The following RORA variants were observed in gnomAD, a reference collection of about 807,000 sequenced individuals.
RORA encodes the protein nuclear receptor ROR-alpha.
A neutral mutation model predicts 69.5 loss-of-function variants in RORA; 7 were observed. That is an observed-to-expected ratio of 0.10 (90% CI 0.06 to 0.19). The LOEUF is 0.19. RORA is among the 10% of genes least tolerant of loss of function. RORA has a pLI of 1.00. For synonymous variants in RORA, 261 were observed against 240.8 expected (o/e 1.08, Z -0.78); for missense variants, 457 against 663.0 (o/e 0.69, Z 3.41).
At chr15:61,077,240 G>C (rs1035317111) in intron 1 of RORA, among the ~76,000 whole-genome samples, 3 of 152,038 alleles carry the variant, frequency 2.0e-5, no homozygotes, top group Admixed American at 6.6e-5. Flanking sequence ...GGCAAGGAAA[G>C]GGTAGTGAGG....
intron 1 of RORA, among the ~76,000 whole-genome samples, chr15:60,843,798 T>C (rs976217123): frequency 1.3e-5 from 2 of 152,146 alleles, no homozygotes; most frequent in African/African-American, 2.4e-5. Flanking sequence ...TCCGTGAATG[T>C]CTCTTTTTGC....
At chr15:60,759,470 T>C (rs553679734) in intron 1 of RORA, among the ~76,000 whole-genome samples, 3 of 152,232 alleles carry the variant, frequency 2.0e-5, no homozygotes, top group Admixed American at 1.3e-4. Context: ...GGGGGCAACT[T>C]TGAGTCAGTA....
At chr15:60,541,861 G>A (rs538097766) in intron 2 of RORA, among the ~76,000 whole-genome samples, 1 of 152,320 alleles carries the variant, frequency 6.6e-6, no homozygotes, top group South Asian at 2.1e-4. Flanking sequence ...CAACAGCCAT[G>A]TAAAGATATC....
intron 1 of RORA, among the ~76,000 whole-genome samples, chr15:61,126,387 T>C (rs2037661981): frequency 6.6e-6 from 1 of 152,252 alleles, no homozygotes; most frequent in African/African-American, 2.4e-5. Context: ...TAAAATCTAC[T>C]GTCTTAGCAA....
intron 1 of RORA, among the ~76,000 whole-genome samples, chr15:60,884,601 G>A (rs2073730883): frequency 6.6e-6 from 1 of 152,192 alleles, no homozygotes; most frequent in South Asian, 2.1e-4. Flanking sequence ...GAGAGACAGG[G>A]AGATGTGGAC....
intron 1 of RORA, among the ~76,000 whole-genome samples, chr15:61,040,078 A>G (rs11630632): frequency 0.1 from 13,723 of 136,382 alleles, 806 homozygotes; most frequent in African/African-American, 0.13. Context: ...CCATATTACA[A>G]GAACATAATT....
chr15:60,550,141 AT>A (rs1490053938), intron 2 of RORA, among the ~76,000 whole-genome samples: 3 of 152,182 alleles, frequency 2.0e-5, no homozygotes, highest in African/African-American at 4.8e-5. Flanking sequence ...AAATACAAAA[AT>A]TAGCCAGGTG....
intron 1 of RORA, among the ~76,000 whole-genome samples, chr15:61,197,396 C>T (rs1201445739): frequency 6.6e-6 from 1 of 152,202 alleles, no homozygotes; most frequent in Non-Finnish European, 1.5e-5. Context: ...AGAGCCGAAC[C>T]GCGGCCTGAG....
intron 2 of RORA, chr15:60,546,240 C>G (rs2067065793): frequency 6.6e-6 from 1 of 152,174 alleles, no homozygotes; most frequent in South Asian, 2.1e-4. Context: ...ATTTCCTAAA[C>G]TAATGATGTA....
At chr15:61,214,906 C>T (rs1190970505) in intron 1 of RORA, among the ~76,000 whole-genome samples, 1 of 148,592 alleles carries the variant, frequency 6.7e-6, no homozygotes, top group Non-Finnish European at 1.5e-5. Flanking sequence ...TGCTGTGTCC[C>T]CAGGCTGGAG....
chr15:60,923,334 G>A (rs917249264), intron 1 of RORA, among the ~76,000 whole-genome samples: 22 of 152,254 alleles, frequency 1.4e-4, no homozygotes, highest in African/African-American at 1.9e-4. Flanking sequence ...CCCCACTCCC[G>A]AACAAAGGGC....
intron 1 of RORA, among the ~76,000 whole-genome samples, chr15:60,929,514 A>G (rs934712425): frequency 1.3e-5 from 2 of 152,212 alleles, no homozygotes; most frequent in Non-Finnish European, 2.9e-5. Context: ...AGATAATGCT[A>G]GGACAGCCAC....
chr15:60,538,523 AT>A (rs1043010155), intron 2 of RORA, among the ~76,000 whole-genome samples: 1 of 149,382 alleles, frequency 6.7e-6, no homozygotes, highest in African/African-American at 2.6e-5. Context: ...GAGAATAAAA[AT>A]TACACAGTAC....
chr15:60,502,601 CTT>C, intron 8 of RORA, among the ~76,000 whole-genome samples, 157 bp downstream of exon 8: 1 of 152,250 alleles, frequency 6.6e-6, no homozygotes, highest in Admixed American at 6.5e-5. Context: ...AGCTATATGA[CTT>C]TTCTACAGTG....
At chr15:60,885,744 T>A (rs1359177055) in intron 1 of RORA, among the ~76,000 whole-genome samples, 2 of 152,246 alleles carry the variant, frequency 1.3e-5, no homozygotes, top group East Asian at 3.8e-4. Flanking sequence ...ATCTTAGCCT[T>A]GCCATTTGCT....
intron 1 of RORA, among the ~76,000 whole-genome samples, chr15:61,196,195 T>C (rs186849214): frequency 1.2e-3 from 183 of 152,344 alleles, no homozygotes; most frequent in Non-Finnish European, 2.2e-3. Flanking sequence ...CTATCCAATA[T>C]TGCAGGCAGT....
chr15:61,229,109 C>T lies in RORA; in HGVS notation c.110G>A (p.Arg37His). Residue 37 changes from arginine (R) to histidine (H), a missense_variant, in exon 1 of 11, where the codon CGC becomes CAC. This residue lies in a region of RORA where 119 missense variants were observed against 92.4 expected (regional missense o/e 1.29). Transcript: ENST00000335670. ...CACCGGGGCAGGCGGCTCGCTCTTG[C>T]GGGCGGATTCCTGGTTCAGCGGGGT... The part of the protein sequence containing the change: ...RETPLNQESA[R>H]KSEPPAPVRR... The T allele has an allele frequency of 1.9e-6, 3 of 1,540,292 alleles. No homozygotes were observed. The highest frequency in any genetic ancestry group is 2.6e-6 in the Non-Finnish European group (3 of 1,143,706).
chr15:61,010,706 T>A (rs554824401), intron 1 of RORA, among the ~76,000 whole-genome samples: 97 of 152,226 alleles, frequency 6.4e-4, no homozygotes, highest in African/African-American at 1.9e-3. Context: ...GAAATGGAAA[T>A]AAAAACATCA....
chr15:60,581,827 A>G (rs1323019171), intron 2 of RORA, among the ~76,000 whole-genome samples: 2 of 152,216 alleles, frequency 1.3e-5, no homozygotes, highest in East Asian at 1.9e-4. Context: ...AAGTTAAATG[A>G]TATTTTTTCA....
Sources: allele counts gnomAD v4.1 joint callset (sites outside exome capture counted in the v4.1 genomes callset), GRCh38; gene constraint gnomAD v4.1.1; regional missense constraint gnomAD v4.1.1; transcripts MANE v1.5; gene names NCBI Gene and HGNC (gene_info 2026-07-23, HGNC 2026-07-21).